Variants in CHMP4C observed in about 807,000 individuals in gnomAD.
CHMP4C encodes charged multivesicular body protein 4C.
Under a neutral mutation model 29.0 loss-of-function variants are expected in CHMP4C, and 28 were observed. That is an observed-to-expected ratio of 0.97 (90% CI 0.72 to 1.32). CHMP4C has a LOEUF of 1.32. Among genes scored for constraint, CHMP4C ranks in the 40% most tolerant of loss-of-function variants. The pLI is 0.00. For missense variants in CHMP4C, 291 were observed against 281.0 expected, an observed-to-expected ratio of 1.04 and a Z score of -0.25; for synonymous variants, 106 against 102.4, an observed-to-expected ratio of 1.04 and a Z score of -0.21.
intron 2 of CHMP4C, among the ~76,000 whole-genome samples, chr8:81,754,408 A>C (rs1315690103): frequency 6.6e-6 from 1 of 152,174 alleles, no homozygotes; most frequent in South Asian, 2.1e-4. Flanking sequence ...ATAGAATAAT[A>C]AGGTTTAAAG....
At chr8:81,752,920 AGTTGTTTATTTCTCAG>A in intron 1 of CHMP4C, 128 bp from the exon 2 acceptor site, 1 of 534,392 alleles carries the variant, frequency 1.9e-6, no homozygotes, top group Non-Finnish European at 3.2e-6. Context: ...GGACAATATG[AGTTGTTTATTTCTCAG>A]GTTTATTTTG....
chr8:81,736,348 G>C (rs1392744950), intron 1 of CHMP4C, among the ~76,000 whole-genome samples: 1 of 151,184 alleles, frequency 6.6e-6, no homozygotes, highest in Non-Finnish European at 1.5e-5. Flanking sequence ...TTTTGTATAG[G>C]TGAGGTCTCC....
chr8:81,757,094 A>G (rs897759719), intron 3 of CHMP4C, among the ~76,000 whole-genome samples: 2 of 152,084 alleles, frequency 1.3e-5, no homozygotes, highest in Non-Finnish European at 2.9e-5. Context: ...CTTTCCCCAC[A>G]GTGTTATTAC....
At chr8:81,748,922 T>C (rs1354443040) in intron 1 of CHMP4C, among the ~76,000 whole-genome samples, 1 of 97,250 alleles carries the variant, frequency 1.0e-5, no homozygotes, top group African/African-American at 4.4e-5. Flanking sequence ...TGAGACTCTG[T>C]GTAAAAAAAA....
At chr8:81,741,090 C>G (rs1162640331) in intron 1 of CHMP4C, among the ~76,000 whole-genome samples, 1 of 152,102 alleles carries the variant, frequency 6.6e-6, no homozygotes, top group Non-Finnish European at 1.5e-5. Context: ...GTGTGTGACA[C>G]AGTTTGCTGA....
chr8:81,737,761 G>T (rs1275009617), intron 1 of CHMP4C, among the ~76,000 whole-genome samples: 2 of 152,118 alleles, frequency 1.3e-5, no homozygotes, highest in Non-Finnish European at 2.9e-5. Flanking sequence ...GAGTTGTGGG[G>T]ATGAATGACA....
chr8:81,738,466 T>C (rs117856715), intron 1 of CHMP4C, among the ~76,000 whole-genome samples: 1 of 152,226 alleles, frequency 6.6e-6, no homozygotes, highest in African/African-American at 2.4e-5. Context: ...AGAATCATGA[T>C]GTGGACTTGA....
intron 1 of CHMP4C, among the ~76,000 whole-genome samples, chr8:81,748,257 A>G (rs1292976745): frequency 2.0e-5 from 3 of 152,286 alleles, no homozygotes; most frequent in Non-Finnish European, 2.9e-5. Context: ...CTCAGATTTC[A>G]TATTACACAA....
intron 1 of CHMP4C, among the ~76,000 whole-genome samples, chr8:81,740,244 G>A (rs1388492096): frequency 6.6e-6 from 1 of 152,176 alleles, no homozygotes; most frequent in Non-Finnish European, 1.5e-5. Context: ...TTGGCACCAG[G>A]GACCAGTTTC....
At position 81,732,935 on chromosome 8, in the gene CHMP4C, T is replaced by C; in HGVS notation, c.190+119T>C. On this transcript the variant is annotated intron_variant, in intron 1 of 4. Coordinates refer to ENST00000297265, the MANE Select transcript of CHMP4C (RefSeq NM_152284.4). ...CCAGGTTTGCTCCTGCAGTCTTTTCTAGGAACTGGTACTGACTCTTAGGGC... is the reference window on the plus strand; with the variant it reads ...CCAGGTTTGCTCCTGCAGTCTTTTCCAGGAACTGGTACTGACTCTTAGGGC... 4.5e-6 allele frequency: 4 copies of C among 883,502 alleles called. No homozygotes were observed. The East Asian group carries it at 1.1e-4, about 24-fold the overall frequency. 54.7% of individuals were successfully genotyped at this position (883,502 alleles called of 1,614,324 possible).
intron 1 of CHMP4C, among the ~76,000 whole-genome samples, chr8:81,741,751 C>A (rs7842768): frequency 6.6e-6 from 1 of 152,136 alleles, no homozygotes; most frequent in Non-Finnish European, 1.5e-5. Context: ...TTTTTAAATG[C>A]CACAGTCTCA....
intron 1 of CHMP4C, among the ~76,000 whole-genome samples, chr8:81,733,519 G>T (rs1044695152): frequency 1.4e-4 from 21 of 150,308 alleles, no homozygotes; most frequent in Admixed American, 7.3e-4. Context: ...TTCGGCAGTT[G>T]AAGTCTTAAA....
rs191867100 is a variant in CHMP4C, at chr8:81,734,529, C to A, written c.190+1713C>A. 2.5e-4 allele frequency among the ~76,000 whole-genome samples: 38 copies of A among 152,266 alleles called. No homozygotes were observed. In the East Asian group the frequency reaches 7.4e-3, roughly 29 times the overall value. On this transcript the variant is annotated intron_variant, in intron 1 of 4. Coordinates refer to ENST00000297265, the MANE Select transcript of CHMP4C (RefSeq NM_152284.4). The stretch of plus-strand genomic sequence containing the variant: ...ATTTTTAATAGAGACAGGGTTTCTC[C>A]ATGTTGGTAAGACTGGTCTCGAACT...
At chr8:81,738,844 G>A (rs527977509) in intron 1 of CHMP4C, among the ~76,000 whole-genome samples, 2 of 152,272 alleles carry the variant, frequency 1.3e-5, no homozygotes, top group African/African-American at 4.8e-5. Context: ...ATTCACTAAA[G>A]ATTCTAATTT....
At chr8:81,733,290 T>A (rs58415383) in intron 1 of CHMP4C, among the ~76,000 whole-genome samples, 2,748 of 152,280 alleles carry the variant, frequency 0.018, 75 homozygotes, top group African/African-American at 0.061. Context: ...ATATTATTTG[T>A]CTTGATTACT....
intron 1 of CHMP4C, among the ~76,000 whole-genome samples, chr8:81,749,320 A>G (rs1808868036): frequency 6.6e-6 from 1 of 152,246 alleles, no homozygotes; most frequent in Non-Finnish European, 1.5e-5. Context: ...TGTGAGAATT[A>G]AATGTCATAA....
chr8:81,756,466 A>G (rs1463162782), intron 3 of CHMP4C, among the ~76,000 whole-genome samples: 1 of 152,186 alleles, frequency 6.6e-6, no homozygotes, highest in Non-Finnish European at 1.5e-5. Flanking sequence ...GATATGGTGG[A>G]AAGGAATCTG....
At chr8:81,736,661 C>A (rs1425107076) in intron 1 of CHMP4C, among the ~76,000 whole-genome samples, 1 of 152,122 alleles carries the variant, frequency 6.6e-6, no homozygotes, top group East Asian at 1.9e-4. Context: ...TGGTGCGCAC[C>A]TCTAATAGGG....
intron 1 of CHMP4C, among the ~76,000 whole-genome samples, chr8:81,739,967 A>G (rs1808742976): frequency 6.6e-6 from 1 of 152,210 alleles, no homozygotes; most frequent in African/African-American, 2.4e-5. Flanking sequence ...ATTTATTTCT[A>G]TTAAATGTCC....
Sources: allele counts gnomAD v4.1 joint callset (sites outside exome capture counted in the v4.1 genomes callset), GRCh38; gene constraint gnomAD v4.1.1; transcripts MANE v1.5; gene names NCBI Gene and HGNC (gene_info 2026-07-23, HGNC 2026-07-21).